The following PRKAR1A variants were observed in gnomAD, a reference collection of about 807,000 sequenced individuals.
The protein encoded by PRKAR1A is cAMP-dependent protein kinase type I-alpha regulatory subunit.
In PRKAR1A, 3 loss-of-function variants were observed where a neutral mutation model predicts 52.0. The observed-to-expected ratio is 0.06, with a 90% CI of 0.03 to 0.15. The LOEUF (loss-of-function observed/expected upper bound fraction) is 0.15, where lower values mean the gene tolerates loss of function less well. PRKAR1A is among the 10% of genes least tolerant of loss of function. PRKAR1A has a pLI of 1.00. For synonymous variants in PRKAR1A, 188 were observed against 168.4 expected (o/e 1.12, Z -0.90); for missense variants, 240 against 477.4 (o/e 0.50, Z 4.63).
At chr17:68,502,710 C>T in the PRKAR1A span, among the ~76,000 whole-genome samples, 1 of 146,634 alleles carries the variant, frequency 6.8e-6, no homozygotes, top group African/African-American at 2.5e-5. Flanking sequence ...TGAGATTGCA[C>T]CATTGAACTC....
upstream of PRKAR1A, among the ~76,000 whole-genome samples, chr17:68,509,641 C>T (rs1163051149): frequency 2.0e-5 from 3 of 152,204 alleles, no homozygotes; most frequent in African/African-American, 4.8e-5. Flanking sequence ...ACATAATTTA[C>T]GAATACCAAC....
At chr17:68,434,660 A>G in the PRKAR1A span, 4,705 of 1,610,236 alleles carry the variant, frequency 2.9e-3, 114 homozygotes, top group African/African-American at 0.055. Context: ...TTTCATAACC[A>G]TTAGTGGCTT....
the PRKAR1A span, among the ~76,000 whole-genome samples, chr17:68,470,604 AAAGGTGGCC>A: frequency 6.6e-6 from 1 of 152,244 alleles, no homozygotes; most frequent in Admixed American, 6.5e-5. Flanking sequence ...CAAATCTGCC[AAAGGTGGCC>A]AAGATACATA....
the PRKAR1A span, chr17:68,421,914 C>T: frequency 6.6e-7 from 1 of 1,520,248 alleles, no homozygotes; most frequent in Admixed American, 1.7e-5. Context: ...GCAGAGTGAG[C>T]AGGGAGAGGC....
chr17:68,436,288 C>T, the PRKAR1A span: 1 of 1,147,314 alleles, frequency 8.7e-7, no homozygotes, highest in Non-Finnish European at 1.3e-6. Context: ...CCACCGCCTC[C>T]AGCCCCCGAC....
chr17:68,446,290 C>T, the PRKAR1A span, among the ~76,000 whole-genome samples: 2 of 151,914 alleles, frequency 1.3e-5, no homozygotes, highest in African/African-American at 4.8e-5. Flanking sequence ...AGTCCATTTT[C>T]CCACCCCAGC....
chr17:68,537,734 T>A, downstream of PRKAR1A: 6 of 1,611,064 alleles, frequency 3.7e-6, no homozygotes, highest in South Asian at 1.1e-5. The surrounding 1 kb of genome is among the most constrained non-coding windows in gnomAD (Gnocchi z 4.2). Context: ...AGTGTTTTCT[T>A]TTTTATCCTG....
upstream of PRKAR1A, among the ~76,000 whole-genome samples, chr17:68,511,257 A>G (rs1032413686): frequency 1.3e-5 from 2 of 152,160 alleles, no homozygotes; most frequent in African/African-American, 4.8e-5. Context: ...AATATATACA[A>G]TGCTACTAAA....
intron 2 of PRKAR1A, among the ~76,000 whole-genome samples, chr17:68,516,910 G>A (rs1186182787): frequency 6.6e-6 from 1 of 152,134 alleles, no homozygotes; most frequent in African/African-American, 2.4e-5. Context: ...TTTTGAAATG[G>A]GTCACTGTAA....
At chr17:68,518,349 C>T (rs1384599569) in intron 2 of PRKAR1A, among the ~76,000 whole-genome samples, 1 of 152,224 alleles carries the variant, frequency 6.6e-6, no homozygotes, top group East Asian at 1.9e-4. Flanking sequence ...GAGGGCCACG[C>T]CCCTGCAGCA....
chr17:68,544,190 TGAA>T (rs2086442488), intron 11 of PRKAR1A, among the ~76,000 whole-genome samples: 1 of 152,042 alleles, frequency 6.6e-6, no homozygotes, highest in Non-Finnish European at 1.5e-5. Flanking sequence ...ATGCTGGGGT[TGAA>T]GAACAGAAAA....
intron 2 of PRKAR1A, among the ~76,000 whole-genome samples, chr17:68,519,931 G>A (rs960293681): frequency 1.3e-5 from 2 of 152,238 alleles, no homozygotes; most frequent in Non-Finnish European, 1.5e-5. Context: ...GAGAAATTAA[G>A]TAATGTGGCT....
chr17:68,505,689 G>A, the PRKAR1A span, among the ~76,000 whole-genome samples: 3 of 151,944 alleles, frequency 2.0e-5, no homozygotes, highest in Admixed American at 2.0e-4. Flanking sequence ...GGTGTATGCC[G>A]GTAGTCTCAG....
At chr17:68,550,874 G>A (rs1051283553) in intron 11 of PRKAR1A, among the ~76,000 whole-genome samples, 2 of 152,234 alleles carry the variant, frequency 1.3e-5, no homozygotes, top group Admixed American at 1.3e-4. Context: ...TTTCGCCAAA[G>A]CAGTTGGGAC....
the PRKAR1A span, among the ~76,000 whole-genome samples, chr17:68,486,507 T>TTCCTTCCC: frequency 5.2e-4 from 21 of 40,502 alleles, no homozygotes; most frequent in Admixed American, 8.3e-4. Flanking sequence ...CCTTCCTTCC[T>TTCCTTCCC]TCTTTCTTTC....
the PRKAR1A span, among the ~76,000 whole-genome samples, chr17:68,417,444 A>G: frequency 2.3e-4 from 35 of 152,256 alleles, no homozygotes; most frequent in South Asian, 7.0e-3. Context: ...TAAAACTCAC[A>G]AAAGTGTGTT....
At chr17:68,492,631 G>T in the PRKAR1A span, among the ~76,000 whole-genome samples, 1 of 152,138 alleles carries the variant, frequency 6.6e-6, no homozygotes, top group Non-Finnish European at 1.5e-5. Flanking sequence ...GCTTGGGAAC[G>T]TATCCAAGTC....
the PRKAR1A span, chr17:68,413,654 T>G: frequency 6.4e-6 from 1 of 155,902 alleles, no homozygotes; most frequent in African/African-American, 2.4e-5. Context: ...AGTTCGAGCT[T>G]CCCGGCTGCT....
At chr17:68,520,884 G>A (rs528821314) in intron 2 of PRKAR1A, among the ~76,000 whole-genome samples, 9 of 152,138 alleles carry the variant, frequency 5.9e-5, no homozygotes, top group Non-Finnish European at 1.3e-4. Context: ...GACAAATTTG[G>A]GGGTGGGAGA....
Sources: allele counts gnomAD v4.1 joint callset (sites outside exome capture counted in the v4.1 genomes callset), GRCh38; gene constraint gnomAD v4.1.1; non-coding constraint Gnocchi (gnomAD v3.1); transcripts MANE v1.5; gene names NCBI Gene and HGNC (gene_info 2026-07-23, HGNC 2026-07-21).